EPHB1: variants seen among roughly 807,000 people sequenced by gnomAD.
The protein encoded by EPHB1 is ephrin type-B receptor 1.
Under a neutral mutation model 94.4 loss-of-function variants are expected in EPHB1, and 30 were observed. The ratio of observed to expected loss-of-function variants is 0.32; its 90% CI spans 0.24 to 0.43. EPHB1 has a LOEUF of 0.43. EPHB1 is among the 20% of genes least tolerant of loss of function. The pLI is 1.00. For missense variants in EPHB1, 1,055 were observed against 1,308.3 expected, an observed-to-expected ratio of 0.81 and a Z score of 2.99; for synonymous variants, 522 against 489.1, an observed-to-expected ratio of 1.07 and a Z score of -0.89.
chr3:134,824,455 G>T (rs904386945), intron 1 of EPHB1, among the ~76,000 whole-genome samples: 3 of 152,104 alleles, frequency 2.0e-5, no homozygotes, highest in South Asian at 4.2e-4. Flanking sequence ...TTTGCTAATT[G>T]GAATCCTTCT....
intron 1 of EPHB1, among the ~76,000 whole-genome samples, chr3:134,831,516 C>T (rs1435210508): frequency 6.6e-6 from 1 of 152,214 alleles, no homozygotes; most frequent in Non-Finnish European, 1.5e-5. Context: ...TAGAAGTTTG[C>T]TTCTGCCTAT....
intron 3 of EPHB1, among the ~76,000 whole-genome samples, chr3:134,987,180 C>T (rs1934630717): frequency 6.6e-6 from 1 of 152,074 alleles, no homozygotes; most frequent in African/African-American, 2.4e-5. Flanking sequence ...TAATTACTAA[C>T]ATTTATTAAG....
chr3:135,118,596 C>T (rs1007042774), intron 4 of EPHB1, among the ~76,000 whole-genome samples: 5 of 152,160 alleles, frequency 3.3e-5, no homozygotes, highest in African/African-American at 1.2e-4. Flanking sequence ...CTACTTCCCT[C>T]GGGAAGGAGG....
At chr3:135,184,210 G>T (rs566611944) in intron 10 of EPHB1, among the ~76,000 whole-genome samples, 2 of 152,164 alleles carry the variant, frequency 1.3e-5, no homozygotes, top group South Asian at 2.1e-4. Flanking sequence ...AGGGGCATCA[G>T]GTTAAGGGAG....
chr3:135,053,049 A>ATATATATATATG (rs1208348401), intron 3 of EPHB1, among the ~76,000 whole-genome samples: 24 of 136,816 alleles, frequency 1.8e-4, no homozygotes, highest in Admixed American at 3.7e-4. Flanking sequence ...ATATATATAT[A>ATATATATATATG]TATATAAAGT....
chr3:135,013,891 A>C (rs1021454788), intron 3 of EPHB1, among the ~76,000 whole-genome samples: 1 of 152,198 alleles, frequency 6.6e-6, no homozygotes, highest in African/African-American at 2.4e-5. Flanking sequence ...TGATGGAAAC[A>C]GTGATTCTGA....
intron 4 of EPHB1, among the ~76,000 whole-genome samples, chr3:135,109,350 T>A (rs1939346057): frequency 6.6e-6 from 1 of 152,248 alleles, no homozygotes; most frequent in South Asian, 2.1e-4. Context: ...CTAAGCTTTC[T>A]TACATTCTGT....
intron 3 of EPHB1, among the ~76,000 whole-genome samples, chr3:135,036,382 C>G (rs114720061): frequency 6.6e-6 from 1 of 152,146 alleles, no homozygotes; most frequent in Non-Finnish European, 1.5e-5. Flanking sequence ...CCATCCAAAC[C>G]GGTCAGGATG....
intron 3 of EPHB1, among the ~76,000 whole-genome samples, chr3:135,024,390 ACTT>A (rs1936075946): frequency 1.3e-5 from 2 of 152,168 alleles, no homozygotes; most frequent in African/African-American, 2.4e-5. Context: ...TACAACTTTT[ACTT>A]CTTCTGTTTT....
At chr3:135,058,902 C>G (rs1271102712) in intron 3 of EPHB1, among the ~76,000 whole-genome samples, 1 of 152,096 alleles carries the variant, frequency 6.6e-6, no homozygotes, top group Non-Finnish European at 1.5e-5. Flanking sequence ...TAGTATGAAC[C>G]CTTTCCTAAC....
At chr3:135,212,310 C>T (rs1475352182) in intron 12 of EPHB1, among the ~76,000 whole-genome samples, 1 of 152,050 alleles carries the variant, frequency 6.6e-6, no homozygotes, top group African/African-American at 2.4e-5. Context: ...GGATTAGCAT[C>T]TTATTTGTTT....
chr3:135,037,682 C>T (rs778719926), intron 3 of EPHB1, among the ~76,000 whole-genome samples: 2 of 152,208 alleles, frequency 1.3e-5, no homozygotes, highest in African/African-American at 4.8e-5. Context: ...TAAAAGTTTG[C>T]ACTGTATCTC....
chr3:135,038,674 G>A lies in EPHB1; in HGVS notation c.806-67774G>A, dbSNP rs367650249. On this transcript the variant is annotated intron_variant, in intron 3 of 15. Transcript: ENST00000398015. ...TCCCTTCTGATATTCAGATGTGTTC[G>A]GAGTTTCTTCCTTCTGGTGGGTTCG... Among the ~76,000 whole-genome samples the A allele has an allele frequency of 3.4e-4, 52 of 152,074 alleles. No homozygotes were observed. In the East Asian group the frequency reaches 8.3e-3, roughly 24 times the overall value.
At chr3:134,865,327 A>C (rs2037351499) in intron 1 of EPHB1, among the ~76,000 whole-genome samples, 1 of 152,168 alleles carries the variant, frequency 6.6e-6, no homozygotes, top group Non-Finnish European at 1.5e-5. Context: ...ATTGAAATAC[A>C]CTGATCTAAA....
At position 134,830,359 on chromosome 3, in the gene EPHB1, A is replaced by G. The variant is rs116714958; in HGVS notation, c.58+34670A>G. Among the ~76,000 whole-genome samples, 957 of 152,364 alleles carry G rather than the reference A, an allele frequency of 6.3e-3. 2 individuals are homozygous for G. The highest frequency in any genetic ancestry group is 0.017 in the Middle Eastern group (5 of 294). On this transcript the variant is annotated intron_variant, in intron 1 of 15. Coordinates refer to ENST00000398015, the MANE Select transcript of EPHB1 (RefSeq NM_004441.5). ...AGTGCTATCTCACCTGTAGCATGCC[A>G]TATTTCACTAATTTTCCTATTGCCT...
chr3:134,874,519 A>G (rs1052157416), intron 1 of EPHB1, among the ~76,000 whole-genome samples: 14 of 152,212 alleles, frequency 9.2e-5, no homozygotes, highest in Admixed American at 6.5e-5. Context: ...TGGGTTTTGA[A>G]GTAAAATATT....
chr3:134,945,456 G>A (rs1202325672), intron 2 of EPHB1, among the ~76,000 whole-genome samples: 2 of 151,944 alleles, frequency 1.3e-5, no homozygotes, highest in Non-Finnish European at 2.9e-5. Flanking sequence ...TTTCCAGATG[G>A]GCACCTAGTT....
At chr3:134,874,049 G>A (rs1251140851) in intron 1 of EPHB1, among the ~76,000 whole-genome samples, 8 of 152,222 alleles carry the variant, frequency 5.3e-5, no homozygotes, top group Non-Finnish European at 1.0e-4. Flanking sequence ...CATCAGCAGA[G>A]CTGGACAGAC....
At chr3:135,006,074 C>T (rs2107746112) in intron 3 of EPHB1, among the ~76,000 whole-genome samples, 1 of 152,350 alleles carries the variant, frequency 6.6e-6, no homozygotes, top group African/African-American at 2.4e-5. Context: ...GCTTCCCCTT[C>T]ACCTTCCGCC....
Sources: allele counts gnomAD v4.1 joint callset (sites outside exome capture counted in the v4.1 genomes callset), GRCh38; gene constraint gnomAD v4.1.1; transcripts MANE v1.5; gene names NCBI Gene and HGNC (gene_info 2026-07-23, HGNC 2026-07-21).